The following MSRA variants were observed in gnomAD, a reference collection of about 807,000 sequenced individuals.
MSRA encodes the protein mitochondrial peptide methionine sulfoxide reductase.
Under a neutral mutation model 31.3 loss-of-function variants are expected in MSRA, and 54 were observed. That is an observed-to-expected ratio of 1.73 (90% CI 1.39 to 2.17). The LOEUF (loss-of-function observed/expected upper bound fraction) is 2.17, where lower values mean the gene tolerates loss of function less well. MSRA is among the 30% of genes most tolerant of loss of function. MSRA has a pLI of 0.00. For synonymous variants in MSRA, 169 were observed against 116.5 expected (o/e 1.45, Z -2.90); for missense variants, 507 against 300.9 (o/e 1.69, Z -5.07).
chr8:10,080,508 C>G (rs933167008), intron 1 of MSRA, among the ~76,000 whole-genome samples: 2 of 151,966 alleles, frequency 1.3e-5, no homozygotes, highest in Non-Finnish European at 2.9e-5. Context: ...TCTGTGTCAG[C>G]CTGCAGCTGT....
At chr8:10,097,938 G>A (rs1443473527) in intron 1 of MSRA, among the ~76,000 whole-genome samples, 1 of 151,826 alleles carries the variant, frequency 6.6e-6, no homozygotes, top group Non-Finnish European at 1.5e-5. Flanking sequence ...ATTCTCTCTG[G>A]CCTACACATT....
At chr8:10,350,013 C>A (rs1035807901) in intron 5 of MSRA, among the ~76,000 whole-genome samples, 1 of 152,232 alleles carries the variant, frequency 6.6e-6, no homozygotes, top group African/African-American at 2.4e-5. Flanking sequence ...AAACAGGCCT[C>A]CCTGAGTAGA....
chr8:10,064,015 C>T (rs1372861838), intron 1 of MSRA, among the ~76,000 whole-genome samples: 1 of 152,120 alleles, frequency 6.6e-6, no homozygotes, highest in Non-Finnish European at 1.5e-5. Context: ...CTTTGGGGCT[C>T]TGTTTTGTGC....
chr8:10,115,622 A>C (rs578023251), intron 1 of MSRA, among the ~76,000 whole-genome samples: 1 of 152,350 alleles, frequency 6.6e-6, no homozygotes, highest in South Asian at 2.1e-4. Context: ...GGTCAGAACC[A>C]GTGGCGCTTT....
At chr8:10,102,859 G>C (rs1033387583) in intron 1 of MSRA, among the ~76,000 whole-genome samples, 4 of 152,152 alleles carry the variant, frequency 2.6e-5, no homozygotes, top group African/African-American at 9.7e-5. Flanking sequence ...AGTTGATACT[G>C]TTATTTTTAT....
rs536127446 is a variant in MSRA at position 10,181,918 on chromosome 8, G to A, written c.143-25915G>A. On this transcript the variant is annotated intron_variant, in intron 1 of 5. Coordinates refer to ENST00000317173, the MANE Select transcript of MSRA (RefSeq NM_012331.5). ...CTTGGCTCAACTTCGTGATTGGTGT[G>A]CATTTTGGGTGAGTGGGGGTGAGCA... Among the ~76,000 whole-genome samples, 210 of 152,298 alleles carry A rather than the reference G, an allele frequency of 1.4e-3. 1 individual carries two copies. Among genetic ancestry groups the A allele is most frequent in the Non-Finnish European group, 2.4e-3 (164 of 68,028 alleles).
At chr8:10,155,577 A>C (rs1034468151) in intron 1 of MSRA, among the ~76,000 whole-genome samples, 3 of 152,190 alleles carry the variant, frequency 2.0e-5, no homozygotes, top group Non-Finnish European at 4.4e-5. Flanking sequence ...TTTCCACTAG[A>C]AGAAACCATG....
rs952973955 is a variant in MSRA at position 10,313,859 on chromosome 8, C to T, written c.437-6024C>T. ...ATGAATAGAGAGTTCAGAAACAGAC[C>T]CACTCATGTCAAAGTATGACAAATG... On this transcript the variant is annotated intron_variant, in intron 4 of 5. Transcript: ENST00000317173. Among the ~76,000 whole-genome samples, 7 of 152,022 alleles carry T rather than the reference C, an allele frequency of 4.6e-5. No homozygotes were observed. The East Asian group carries it at 7.7e-4, about 17-fold the overall frequency.
rs1038156893 is a variant in MSRA, at chr8:10,428,518, G to C, written c.*206G>C. On this transcript the variant is annotated 3_prime_UTR_variant, in exon 6 of 6. Transcript: ENST00000317173. ...CTTATCTCCTAATAAGTTATGGTGG[G>C]AGTGGAGCTGTGCAGTTTCCTGTGT... The C allele has an allele frequency of 4.1e-5, 23 of 562,740 alleles. No individual in the cohort carries two copies. The highest frequency in any genetic ancestry group is 5.9e-5 in the Non-Finnish European group (19 of 322,966). The allele number at this position is 562,740 out of a possible 1,614,324, so 34.9% of individuals were successfully genotyped here.
chr8:10,223,640 G>A (rs1028808657), intron 2 of MSRA, among the ~76,000 whole-genome samples: 1 of 152,188 alleles, frequency 6.6e-6, no homozygotes, highest in Non-Finnish European at 1.5e-5. Flanking sequence ...TAATGTATGT[G>A]CAATTGGAGT....
intron 5 of MSRA, among the ~76,000 whole-genome samples, chr8:10,339,531 CTTTT>C (rs774034241): frequency 9.6e-5 from 7 of 72,812 alleles, no homozygotes; most frequent in Admixed American, 8.6e-4. Context: ...TTCTTTCTTT[CTTTT>C]TTTTTTTTTT....
intron 3 of MSRA, among the ~76,000 whole-genome samples, chr8:10,290,406 C>T (rs1800168222): frequency 1.3e-5 from 2 of 152,080 alleles, no homozygotes; most frequent in Non-Finnish European, 2.9e-5. Flanking sequence ...GGCTAGATGA[C>T]CTTTCAGGTC....
chr8:10,307,458 G>T (rs528177944), intron 4 of MSRA, among the ~76,000 whole-genome samples: 1 of 152,154 alleles, frequency 6.6e-6, no homozygotes, highest in East Asian at 1.9e-4. Flanking sequence ...TGGCCACTGC[G>T]CCCAGCTGGG....
intron 1 of MSRA, among the ~76,000 whole-genome samples, chr8:10,117,893 C>G (rs1055597451): frequency 6.6e-6 from 1 of 152,192 alleles, no homozygotes; most frequent in Non-Finnish European, 1.5e-5. Context: ...TCCCAACTTC[C>G]TTGCCCAAAT....
intron 1 of MSRA, among the ~76,000 whole-genome samples, chr8:10,118,206 T>C (rs903335017): frequency 3.9e-5 from 6 of 152,294 alleles, no homozygotes; most frequent in South Asian, 2.1e-4. Context: ...CCATATAGCC[T>C]TGGCAGCTAT....
chr8:10,167,110 C>T (rs1415287434), intron 1 of MSRA, among the ~76,000 whole-genome samples: 1 of 152,160 alleles, frequency 6.6e-6, no homozygotes, highest in Non-Finnish European at 1.5e-5. Flanking sequence ...CCTCTCCATT[C>T]TCTTCCAACA....
chr8:10,361,094 C>T (rs9329220), intron 5 of MSRA, among the ~76,000 whole-genome samples: 142,143 of 152,310 alleles, frequency 0.93, 66,643 homozygotes, highest in East Asian at 1. Context: ...TCAGGCTCTG[C>T]AGCTCCAGGG....
intron 3 of MSRA, among the ~76,000 whole-genome samples, chr8:10,268,867 A>G (rs1798882172): frequency 6.6e-6 from 1 of 152,256 alleles, no homozygotes; most frequent in African/African-American, 2.4e-5. Flanking sequence ...GAATTCAGGT[A>G]CAATTTAACT....
intron 1 of MSRA, among the ~76,000 whole-genome samples, chr8:10,070,384 G>C (rs961525227): frequency 6.6e-6 from 1 of 152,170 alleles, no homozygotes; most frequent in African/African-American, 2.4e-5. Flanking sequence ...GCAAATAATA[G>C]CCCACAGGCC....
Sources: gnomAD v4.1 joint callset for allele counts (sites outside exome capture counted in the v4.1 genomes callset) on GRCh38, gnomAD v4.1.1 for gene constraint, MANE v1.5 for transcripts, NCBI Gene and HGNC (gene_info 2026-07-23, HGNC 2026-07-21) for gene names.